Variants in LMBRD1 observed in about 807,000 individuals in gnomAD.
The protein encoded by LMBRD1 is lysosomal cobalamin transport escort protein LMBD1.
A neutral mutation model predicts 74.8 loss-of-function variants in LMBRD1; 64 were observed. The observed-to-expected ratio is 0.86, with a 90% CI of 0.70 to 1.05. The LOEUF (loss-of-function observed/expected upper bound fraction) is 1.05. LMBRD1 is among the 50% of genes least tolerant of loss of function. The probability of loss-of-function intolerance (pLI) is 0.00; values close to 1 mark genes in which losing one functional copy is unlikely to be tolerated. For missense variants in LMBRD1, 652 were observed against 645.9 expected (o/e 1.01, Z -0.10); for synonymous variants, 204 against 216.3 (o/e 0.94, Z 0.50).
rs758342527 is a variant in LMBRD1 at position 69,701,950 on chromosome 6, C to A, written c.919G>T (p.Val307Phe). The change falls in exon 10 of 16, where the codon GTC (valine) becomes TTC (phenylalanine). Residue 307 changes from valine (V) to phenylalanine (F), a missense_variant. Physicochemically the swap from Val to Phe is conservative, Grantham distance 50 (BLOSUM62 -1). Coordinates refer to ENST00000649934, the MANE Select transcript of LMBRD1 (RefSeq NM_018368.4). ...ACTAAGATGAAAAATATTCCCCAGA[C>A]GATCTAAAAGCAAAAATATATTCAT... Reference protein sequence around the residue: ...FCGALRPLKIVWGIFFILVAL... With the variant: ...FCGALRPLKIFWGIFFILVAL... The A allele has an allele frequency of 5.2e-5, 83 of 1,592,190 alleles. No individual in the cohort carries two copies. The highest frequency in any genetic ancestry group is 1.3e-5 in the African/African-American group (1 of 74,322).
intron 8 of LMBRD1, among the ~76,000 whole-genome samples, chr6:69,716,157 T>C (rs1766484791): frequency 6.6e-6 from 1 of 152,200 alleles, no homozygotes; most frequent in South Asian, 2.1e-4. Context: ...TGGGGTTGGA[T>C]GGTAGTCCTA....
intron 3 of LMBRD1, among the ~76,000 whole-genome samples, chr6:69,757,542 CTTT>C (rs1765292366): frequency 6.6e-6 from 1 of 152,100 alleles, no homozygotes; most frequent in Non-Finnish European, 1.5e-5. Flanking sequence ...AAGATTTCTT[CTTT>C]TAGTCCATAA....
intron 6 of LMBRD1, among the ~76,000 whole-genome samples, chr6:69,739,443 A>G (rs1160813622): frequency 6.6e-6 from 1 of 151,820 alleles, no homozygotes; most frequent in Non-Finnish European, 1.5e-5. Context: ...ATCCTATTGT[A>G]AACAAGTTGT....
chr6:69,675,256 T>C lies in LMBRD1; in HGVS notation c.*902A>G, dbSNP rs1487206494. 6.6e-6 allele frequency among the ~76,000 whole-genome samples: 1 copy of C among 152,216 alleles called. No homozygotes were observed. The highest frequency in any genetic ancestry group is 2.4e-5 in the African/African-American group (1 of 41,456). ...TTTTTTATGAGTTCTAATGTGCTTA[T>C]GTTAGTAAACTAGAATATAATTTTT... On this transcript the variant is annotated 3_prime_UTR_variant, in exon 16 of 16. Transcript: ENST00000649934.
In LMBRD1 at chr6:69,790,366, A is replaced by G. The variant is rs754009538; in HGVS notation, c.176T>C (p.Ile59Thr). 5.0e-6 allele frequency: 8 copies of G among 1,613,764 alleles called. No homozygotes were observed. In the South Asian group the frequency reaches 5.5e-5, roughly 11 times the overall value. ...ATCCACTGGTAGAAGTGCTGATGTG[A>G]TAAGTGCAATTGCTAGAGAAAAAAT... ...TAIFSLAIAL[I>T]TSALLPVDIF... Residue 59 changes from isoleucine (I) to threonine (T), a missense_variant, in exon 2 of 16, where the codon ATC (isoleucine) becomes ACC (threonine). By Grantham distance (89) the Ile-to-Thr change is moderately conservative (BLOSUM62 -1). This residue lies in a region of LMBRD1 where 598 missense variants were observed against 581.8 expected (regional missense o/e 1.03). Coordinates refer to ENST00000649934, the MANE Select transcript of LMBRD1 (RefSeq NM_018368.4).
chr6:69,676,085 T>G lies in LMBRD1; in HGVS notation c.*73A>C. ...ATGAAAGCTAGTTAGCAAATCCTAATGTTAGTTTAATACTTTAAAAATGCA... is the reference window on the plus strand; with the variant it reads ...ATGAAAGCTAGTTAGCAAATCCTAAGGTTAGTTTAATACTTTAAAAATGCA... On this transcript the variant is annotated 3_prime_UTR_variant, in exon 16 of 16. Coordinates refer to ENST00000649934, the MANE Select transcript of LMBRD1 (RefSeq NM_018368.4). 1 of 1,210,768 alleles carries G rather than the reference T, an allele frequency of 8.3e-7. No individual in the cohort carries two copies. The highest frequency in any genetic ancestry group is 1.5e-5 in the African/African-American group (1 of 66,740). 75.0% of individuals were successfully genotyped at this position (1,210,768 alleles called of 1,614,324 possible). A position where few individuals can be genotyped will look rare whatever the true frequency, so the allele number is the denominator to read the frequency against.
rs890054781 is a variant in LMBRD1 at position 69,786,777 on chromosome 6, T to A, written c.246+3519A>T. On this transcript the variant is annotated intron_variant, in intron 2 of 15. Coordinates refer to ENST00000649934, the MANE Select transcript of LMBRD1 (RefSeq NM_018368.4). ...GCTAGAAGGGTAACTAAAACAAAAATAAAGAAACTAGCAATGACTGCCTGC... is the reference window on the plus strand; with the variant it reads ...GCTAGAAGGGTAACTAAAACAAAAAAAAAGAAACTAGCAATGACTGCCTGC... Among the ~76,000 whole-genome samples the A allele has an allele frequency of 3.3e-5, 5 of 152,058 alleles. No individual in the cohort carries two copies. The East Asian group carries it at 9.6e-4, about 29-fold the overall frequency.
chr6:69,780,095 T>C (rs1211814124), intron 3 of LMBRD1, among the ~76,000 whole-genome samples: 1 of 151,078 alleles, frequency 6.6e-6, no homozygotes, highest in African/African-American at 2.4e-5. Flanking sequence ...ATTGGCATAT[T>C]AAAAGGCTAG....
intron 3 of LMBRD1, among the ~76,000 whole-genome samples, chr6:69,767,717 T>C (rs1765499601): frequency 6.6e-6 from 1 of 151,894 alleles, no homozygotes; most frequent in South Asian, 2.1e-4. Context: ...ATCAGTATTG[T>C]TGTTTACATC....
intron 1 of LMBRD1, among the ~76,000 whole-genome samples, chr6:69,793,835 T>C (rs1203490630): frequency 7.0e-6 from 1 of 142,624 alleles, no homozygotes; most frequent in Non-Finnish European, 1.5e-5. Flanking sequence ...TCCTCCCACC[T>C]CAGCCTTCTG....
chr6:69,790,528 T>C (rs1766057353), intron 1 of LMBRD1, 56 bp from the exon 2 acceptor site: 6 of 1,549,320 alleles, frequency 3.9e-6, no homozygotes, highest in Non-Finnish European at 5.3e-6. Flanking sequence ...TCTCTGATTT[T>C]TGTATGTGTT....
intron 6 of LMBRD1, among the ~76,000 whole-genome samples, chr6:69,738,958 G>A (rs1366252636): frequency 2.0e-5 from 3 of 152,034 alleles, no homozygotes; most frequent in African/African-American, 7.2e-5. Context: ...AACACATAAA[G>A]AAGGCATATT....
intron 4 of LMBRD1, 144 bp from the exon 5 acceptor site, chr6:69,749,552 T>G: frequency 1.4e-6 from 1 of 692,178 alleles, no homozygotes; most frequent in Admixed American, 2.7e-5. Context: ...ACCTTAAAAT[T>G]TAAAGAAAAC....
chr6:69,796,882 C>G lies in LMBRD1; in HGVS notation c.-1G>C. 2 of 1,613,648 alleles carry G rather than the reference C, an allele frequency of 1.2e-6. No individual in the cohort carries two copies. Among genetic ancestry groups the G allele is most frequent in the Non-Finnish European group, 1.7e-6 (2 of 1,179,930 alleles). On this transcript the variant is annotated 5_prime_UTR_variant, in exon 1 of 16. Coordinates refer to ENST00000649934, the MANE Select transcript of LMBRD1 (RefSeq NM_018368.4). ...CCGAGGCCGCGCCAGAAGTCGCCAT[C>G]TTCGCTTCCGGTCCAGACCAACCTG...
At chr6:69,754,882 T>C (rs1765236972) in intron 3 of LMBRD1, among the ~76,000 whole-genome samples, 1 of 152,126 alleles carries the variant, frequency 6.6e-6, no homozygotes, top group Non-Finnish European at 1.5e-5. Context: ...AAAACCACAA[T>C]GAGATACCAT....
chr6:69,757,026 G>C (rs964422425), intron 3 of LMBRD1, among the ~76,000 whole-genome samples: 12 of 152,126 alleles, frequency 7.9e-5, no homozygotes, highest in African/African-American at 2.9e-4. Flanking sequence ...ATGATGTTGA[G>C]AGAAATATTA....
At chr6:69,706,179 T>C (rs1766253583) in intron 9 of LMBRD1, 4 of 473,640 alleles carry the variant, frequency 8.4e-6, no homozygotes, top group Non-Finnish European at 1.2e-5. Flanking sequence ...AGCACACACT[T>C]AGGTGGGAGA....
intron 3 of LMBRD1, among the ~76,000 whole-genome samples, chr6:69,763,708 CCCCGCAGAATGGTAGAGGCAGGACCAT>C (rs1402151584): frequency 6.6e-6 from 1 of 152,190 alleles, no homozygotes; most frequent in African/African-American, 2.4e-5. Context: ...TTTAACACTG[CCCCGCAGAATGGTAGAGGCAGGACCAT>C]CACCACAGTG....
intron 14 of LMBRD1, among the ~76,000 whole-genome samples, chr6:69,679,043 CAA>C (rs34383421): frequency 1.0e-5 from 1 of 97,532 alleles, no homozygotes; most frequent in Non-Finnish European, 2.3e-5. Flanking sequence ...CTGGTTAAAA[CAA>C]AAAAAAAAAA....
Sources: gnomAD v4.1 joint callset for allele counts (sites outside exome capture counted in the v4.1 genomes callset) on GRCh38, gnomAD v4.1.1 for gene constraint, gnomAD v4.1.1 regional missense constraint, MANE v1.5 for transcripts, NCBI Gene and HGNC (gene_info 2026-07-23, HGNC 2026-07-21) for gene names.